Variants in THSD4 observed in about 807,000 individuals in gnomAD.
THSD4 encodes thrombospondin type 1 domain containing 4.
A neutral mutation model predicts 119.0 loss-of-function variants in THSD4; 69 were observed. That is an observed-to-expected ratio of 0.58 (90% CI 0.48 to 0.71). The LOEUF is 0.71. Ranked by LOEUF, THSD4 falls within the 30% of genes least tolerant of loss-of-function variation. THSD4 has a pLI of 0.00. For synonymous variants in THSD4, 524 were observed against 540.4 expected (o/e 0.97, Z 0.42); for missense variants, 1,393 against 1,391.1 (o/e 1.00, Z -0.02).
intron 2 of THSD4, among the ~76,000 whole-genome samples, chr15:71,150,833 A>T (rs926093220): frequency 1.3e-5 from 2 of 152,174 alleles, no homozygotes; most frequent in Non-Finnish European, 2.9e-5. Context: ...ATGTTAATTC[A>T]CAGTATTTTC....
At chr15:71,347,529 C>G (rs1318982341) in intron 6 of THSD4, among the ~76,000 whole-genome samples, 4 of 152,174 alleles carry the variant, frequency 2.6e-5, no homozygotes, top group African/African-American at 9.7e-5. Context: ...GCATTTCTGC[C>G]TTACTTGACT....
At chr15:71,587,797 AAAG>A (rs1345130986) in intron 7 of THSD4, among the ~76,000 whole-genome samples, 10 of 69,620 alleles carry the variant, frequency 1.4e-4, no homozygotes, top group East Asian at 1.1e-3. Flanking sequence ...TAAAAAAAAA[AAAG>A]AAAAAAAAAA....
At chr15:71,519,825 G>A (rs754853795) in intron 7 of THSD4, among the ~76,000 whole-genome samples, 66 of 152,140 alleles carry the variant, frequency 4.3e-4, no homozygotes, top group Non-Finnish European at 7.8e-4. Context: ...GGGGGAGAGT[G>A]GGCAAGAAAT....
At chr15:71,651,956 C>T (rs1274987084) in intron 7 of THSD4, among the ~76,000 whole-genome samples, 1 of 152,324 alleles carries the variant, frequency 6.6e-6, no homozygotes, top group Non-Finnish European at 1.5e-5. Flanking sequence ...GAATCTCCAT[C>T]ATTGCCTTCT....
intron 8 of THSD4, among the ~76,000 whole-genome samples, chr15:71,661,947 A>G (rs938512690): frequency 6.6e-5 from 10 of 152,196 alleles, no homozygotes; most frequent in Non-Finnish European, 2.9e-5. Context: ...GTAAGAAAGC[A>G]GGCACAGAGA....
In THSD4 at chr15:71,748,627, C is replaced by T. The variant is rs747690138; in HGVS notation, c.2415+33C>T. Reference sequence around the variant, plus strand: ...TGATGGCGGGCAGAGCGCCGGGGACCGAGGTCTGCCAGGTGCCTCCAAAAC... The same window carrying T: ...TGATGGCGGGCAGAGCGCCGGGGACTGAGGTCTGCCAGGTGCCTCCAAAAC... On this transcript the variant is annotated intron_variant, in intron 14 of 17. Coordinates refer to ENST00000261862, the MANE Select transcript of THSD4 (RefSeq NM_024817.3). 8.1e-6 allele frequency: 13 copies of T among 1,609,194 alleles called. No homozygotes were observed. In the South Asian group the frequency reaches 1.1e-4, roughly 14 times the overall value.
intron 3 of THSD4, among the ~76,000 whole-genome samples, chr15:71,169,832 C>T (rs187442240): frequency 6.6e-6 from 1 of 152,226 alleles, no homozygotes; most frequent in East Asian, 1.9e-4. Flanking sequence ...GAGGGGTATG[C>T]TAGGCAGAAC....
chr15:71,294,097 T>C (rs1050826021), intron 6 of THSD4, among the ~76,000 whole-genome samples: 1 of 152,256 alleles, frequency 6.6e-6, no homozygotes. Flanking sequence ...ATTTATCTTC[T>C]GCTGCTGCTT....
chr15:71,376,189 C>A (rs890128486), intron 6 of THSD4, among the ~76,000 whole-genome samples: 7 of 152,176 alleles, frequency 4.6e-5, no homozygotes, highest in Admixed American at 4.6e-4. Context: ...CCTTTGCTCA[C>A]ACCTCTTGCA....
At chr15:71,341,278 G>A in intron 6 of THSD4, 1 of 1,597,666 alleles carries the variant, frequency 6.3e-7, no homozygotes, top group Non-Finnish European at 8.5e-7. Flanking sequence ...TCATCTCAAT[G>A]TGGCAGGGAG....
chr15:71,141,858 T>C (rs1055342297), intron 2 of THSD4, among the ~76,000 whole-genome samples: 1 of 152,040 alleles, frequency 6.6e-6, no homozygotes. Flanking sequence ...AATCCCAGCA[T>C]TTTGGGAGGC....
At chr15:71,495,190 G>A (rs570097854) in intron 7 of THSD4, among the ~76,000 whole-genome samples, 4 of 152,152 alleles carry the variant, frequency 2.6e-5, no homozygotes, top group Non-Finnish European at 5.9e-5. Flanking sequence ...ACCCAACCCC[G>A]TTTTTCTCAC....
At chr15:71,540,575 C>T (rs529360861) in intron 7 of THSD4, among the ~76,000 whole-genome samples, 33 of 138,726 alleles carry the variant, frequency 2.4e-4, no homozygotes, top group African/African-American at 8.6e-4. Context: ...ATTACAAGCA[C>T]GTGCCACCAC....
intron 6 of THSD4, among the ~76,000 whole-genome samples, chr15:71,407,709 G>GAACGCACCACTGAATTTAATT (rs2046627585): frequency 6.6e-6 from 1 of 151,918 alleles, no homozygotes; most frequent in African/African-American, 2.4e-5. Context: ...AAATTCAGGC[G>GAACGCACCACTGAATTTAATT]TGGGATCTGA....
At chr15:71,749,557 C>T (rs572446756) in intron 14 of THSD4, among the ~76,000 whole-genome samples, 1 of 152,306 alleles carries the variant, frequency 6.6e-6, no homozygotes, top group South Asian at 2.1e-4. Flanking sequence ...TTCTGCCCCA[C>T]TTCCCTTGCT....
intron 2 of THSD4, among the ~76,000 whole-genome samples, chr15:71,151,996 A>T (rs561149269): frequency 6.6e-6 from 1 of 152,286 alleles, no homozygotes; most frequent in South Asian, 2.1e-4. Context: ...AGAAAACTCT[A>T]TTGGACAGTG....
chr15:71,200,992 T>G (rs776905885), intron 3 of THSD4, among the ~76,000 whole-genome samples: 1 of 152,208 alleles, frequency 6.6e-6, no homozygotes, highest in African/African-American at 2.4e-5. Context: ...CCCATTATAC[T>G]GAGTTCACAG....
chr15:71,495,953 A>G (rs1055200707), intron 7 of THSD4, among the ~76,000 whole-genome samples: 3 of 152,198 alleles, frequency 2.0e-5, no homozygotes, highest in East Asian at 1.9e-4. Flanking sequence ...TCCCCTGCTT[A>G]CATTCTGGAG....
chr15:71,618,287 T>G (rs16955868), intron 7 of THSD4, among the ~76,000 whole-genome samples: 5,981 of 152,238 alleles, frequency 0.039, 355 homozygotes, highest in African/African-American at 0.13. Flanking sequence ...GCACACTCCA[T>G]AAAAGTAAGC....
Sources: gnomAD v4.1 joint callset for allele counts (sites outside exome capture counted in the v4.1 genomes callset) on GRCh38, gnomAD v4.1.1 for gene constraint, MANE v1.5 for transcripts, NCBI Gene and HGNC (gene_info 2026-07-23, HGNC 2026-07-21) for gene names.